The following PIGT variants were observed in gnomAD, a reference collection of about 807,000 sequenced individuals.
PIGT encodes the protein GPI-anchor transamidase component PIGT.
Under a neutral mutation model 66.7 loss-of-function variants are expected in PIGT, and 57 were observed. The observed-to-expected ratio is 0.86, with a 90% confidence interval of 0.69 to 1.07. PIGT has a LOEUF of 1.07. Ranked by LOEUF, PIGT falls within the 50% of genes least tolerant of loss-of-function variation. PIGT has a pLI of 0.00. For missense variants in PIGT, 725 were observed against 740.4 expected, an observed-to-expected ratio of 0.98 and a Z score of 0.24; for synonymous variants, 362 against 320.5, an observed-to-expected ratio of 1.13 and a Z score of -1.38.
chr20:45,423,824 A>T, intron 9 of PIGT: 1 of 222,528 alleles, frequency 4.5e-6, no homozygotes, highest in South Asian at 7.5e-5. Flanking sequence ...CCTCTCCTAT[A>T]TTTCTTGTGT....
intron 2 of PIGT, chr20:45,418,483 T>C: frequency 3.1e-6 from 1 of 322,866 alleles, no homozygotes; most frequent in Non-Finnish European, 6.0e-6. Flanking sequence ...GAACCGTGAC[T>C]GCACAGAGGA....
chr20:45,425,155 CTTTCTT>C (rs1188239386), intron 11 of PIGT: 1 of 112,324 alleles, frequency 8.9e-6, no homozygotes, highest in African/African-American at 3.6e-5. Context: ...TTCTTTCTTT[CTTTCTT>C]TCTTTCTTTC....
intron 9 of PIGT, 97 bp downstream of exon 9, chr20:45,421,680 C>G: frequency 1.0e-6 from 1 of 981,980 alleles, no homozygotes; most frequent in South Asian, 1.5e-5. Flanking sequence ...TCCTGAAGTA[C>G]CTCTGAAAAG....
At chr20:45,421,330 G>A in intron 8 of PIGT, 53 bp from the exon 9 acceptor site, 1 of 1,490,554 alleles carries the variant, frequency 6.7e-7, no homozygotes, top group South Asian at 1.3e-5. Context: ...AGGTGGGGTG[G>A]GGAGTGATTC....
In PIGT at chr20:45,419,516, G is replaced by T. The variant is rs772970201; in HGVS notation, c.607G>T (p.Val203Leu). The change falls in exon 5 of 12, where the codon GTG becomes TTG. Residue 203 changes from valine to leucine, a missense_variant. Coordinates refer to ENST00000279036, the MANE Select transcript of PIGT (RefSeq NM_015937.6). ...LPCSSKAGLSVLLKADRLFHT... is the reference protein window; with the variant it reads ...LPCSSKAGLSLLLKADRLFHT... ...CCATCTCCTCCAGGCAGGCCTCTCT[G>T]TGCTGCTGAAGGCAGATCGCTTGTT... The T allele has an allele frequency of 1.9e-6, 3 of 1,614,200 alleles. No individual in the cohort carries two copies. The highest frequency in any genetic ancestry group is 1.7e-6 in the Non-Finnish European group (2 of 1,180,026).
chr20:45,425,545 C>A, intron 11 of PIGT, 29 bp from the exon 12 acceptor site: 1 of 1,606,510 alleles, frequency 6.2e-7, no homozygotes, highest in South Asian at 1.1e-5. Context: ...GCAGCCAGTC[C>A]TGTCTCACCG....
At chr20:45,424,600 T>C (rs1278603177) in intron 11 of PIGT, 21 bp downstream of exon 11, 1 of 1,583,724 alleles carries the variant, frequency 6.3e-7, no homozygotes, top group South Asian at 1.1e-5. Context: ...CCACACTCAC[T>C]GATAACACAT....
chr20:45,421,345 C>T (rs766096141), intron 8 of PIGT, 38 bp from the exon 9 acceptor site: 45 of 1,572,362 alleles, frequency 2.9e-5, no homozygotes, highest in Non-Finnish European at 3.9e-5. Context: ...TGATTCTTAC[C>T]TTTGGCAGCT....
In PIGT at chr20:45,425,904, CT is replaced by C; in HGVS notation, c.*79del. 6.5e-7 allele frequency: 1 copy of C among 1,528,208 alleles called. No homozygotes were observed. The highest frequency in any genetic ancestry group is 8.8e-7 in the Non-Finnish European group (1 of 1,133,576). The allele number at this position is 1,528,208 out of a possible 1,614,324, so 94.7% of individuals were successfully genotyped here. On this transcript the variant is annotated 3_prime_UTR_variant, in exon 12 of 12. Transcript: ENST00000279036. ...CCAAGGGCTGTTTCTGCCACTTGCT[CT>C]CCTCAGAGTTGGCTTTTGAACCAAA...
intron 8 of PIGT, 97 bp from the exon 9 acceptor site, chr20:45,421,286 C>T (rs944552956): frequency 8.7e-6 from 9 of 1,037,186 alleles, no homozygotes; most frequent in African/African-American, 1.6e-5. Flanking sequence ...TCCCCATCTA[C>T]TCACTGGCTT....
At chr20:45,420,734 A>T in intron 8 of PIGT, 41 bp downstream of exon 8, 1 of 1,603,450 alleles carries the variant, frequency 6.2e-7, no homozygotes, top group Non-Finnish European at 8.5e-7. Flanking sequence ...TGCAACGGCT[A>T]CAGAGAAAAG....
Position 45,425,574 on chromosome 20 carries a change from G to T in PIGT, c.1485G>T (p.Leu495=). 6.2e-7 allele frequency: 1 copy of T among 1,613,280 alleles called. No homozygotes were observed. Among genetic ancestry groups the T allele is most frequent in the Non-Finnish European group, 8.5e-7 (1 of 1,179,728 alleles). ...CTCACCGCTCTTCCCCTGACCCCAGGTTCCCAGTCTCTGATGGCTCTAACT... is the reference window on the plus strand; with the variant it reads ...CTCACCGCTCTTCCCCTGACCCCAGTTTCCCAGTCTCTGATGGCTCTAACT... The part of the protein sequence containing the change: ...DWEESPLFNS[L]FPVSDGSNYF... The change falls in exon 12 of 12, where the codon CTG becomes CTT. Residue 495 remains leucine, a splice_region_variant and synonymous_variant. Coordinates refer to ENST00000279036, the MANE Select transcript of PIGT (RefSeq NM_015937.6).
rs1990156608 is a variant in PIGT, at chr20:45,418,876, C to T, written c.390C>T (p.Leu130=). 1.2e-6 allele frequency: 2 copies of T among 1,613,894 alleles called. No homozygotes were observed. The highest frequency in any genetic ancestry group is 1.7e-6 in the Non-Finnish European group (2 of 1,179,946). The change falls in exon 3 of 12, where the codon CTC becomes CTT. Residue 130 remains leucine, a synonymous_variant. Transcript: ENST00000279036. The part of the protein sequence containing the change: ...VTDVDKSWKE[L]SNVLSGIFCA... ...GTGTGGATAAATCTTGGAAGGAGCT[C>T]AGTAATGTCCTCTCAGGGATCTTCT...
chr20:45,420,632 C>G lies in PIGT; in HGVS notation c.972C>G (p.Ala324=). 6.2e-7 allele frequency: 1 copy of G among 1,613,866 alleles called. No homozygotes were observed. Among genetic ancestry groups the G allele is most frequent in the Non-Finnish European group, 8.5e-7 (1 of 1,180,008 alleles). Residue 324 remains alanine (A), a synonymous_variant, in exon 8 of 12, where the codon GCC becomes GCG. Transcript: ENST00000279036. ...TYAIYDLLDT[A]MINNSRNLNI... is the part of the protein sequence containing the mutation. ...CCATCTATGACTTGCTTGACACCGC[C>G]ATGATCAACAACTCTCGAAACCTCA...
At position 45,425,956 on chromosome 20, in the gene PIGT, C is replaced by T; in HGVS notation, c.*130C>T. 1 of 1,015,600 alleles carries T rather than the reference C, an allele frequency of 9.8e-7. No individual in the cohort carries two copies. The allele number at this position is 1,015,600 out of a possible 1,614,324, so 62.9% of individuals were successfully genotyped here. A position where few individuals can be genotyped will look rare whatever the true frequency, so the allele number is the denominator to read the frequency against. On this transcript the variant is annotated 3_prime_UTR_variant, in exon 12 of 12. Transcript: ENST00000279036. ...GTGCCCTGGACCAGGTCAGGGCCTA[C>T]AGCTGTGTTGTCCAGTACAGGAGCC...
At chr20:45,418,812 G>A (rs1490672779) in intron 2 of PIGT, 40 bp from the exon 3 acceptor site, 1 of 1,611,880 alleles carries the variant, frequency 6.2e-7, no homozygotes. Flanking sequence ...GGGAGCAGAG[G>A]TAGCCCCAGG....
rs557640210 is a variant in PIGT, at chr20:45,421,470, A to G, written c.1121A>G (p.Asn374Ser). Residue 374 changes from asparagine to serine, a missense_variant, in exon 9 of 12, where the codon AAC (asparagine) becomes AGC (serine). Physicochemically the swap from Asn to Ser is conservative, Grantham distance 46. Transcript: ENST00000279036. ...QKGELSTLLY[N>S]THPYRAFPVL... ...GGGGAGCTGAGCACACTGCTGTACA[A>G]CACCCACCCATACCGGGCCTTCCCG... is the stretch of plus-strand genomic sequence containing the variant. 4 of 1,614,130 alleles carry G rather than the reference A, an allele frequency of 2.5e-6. No individual in the cohort carries two copies. The African/African-American group carries it at 5.3e-5, about 22-fold the overall frequency.
At chr20:45,423,101 G>A (rs1344289808) in intron 9 of PIGT, 1 of 111,886 alleles carries the variant, frequency 8.9e-6, no homozygotes, top group Non-Finnish European at 1.7e-5. Context: ...TCCTCACTCT[G>A]TCACCCAGGC....
At chr20:45,417,860 C>T (rs1990083458) in intron 2 of PIGT, 1 of 152,138 alleles carries the variant, frequency 6.6e-6, no homozygotes, top group African/African-American at 2.4e-5. Context: ...ATCAAAAGCT[C>T]CTGGACAACA....
Sources: gnomAD v4.1 joint callset for allele counts on GRCh38, gnomAD v4.1.1 for gene constraint, MANE v1.5 for transcripts, NCBI Gene and HGNC (gene_info 2026-07-23, HGNC 2026-07-21) for gene names.